Variants in SMOC1 observed in about 807,000 individuals in gnomAD.
SMOC1 encodes the protein SPARC-related modular calcium-binding protein 1.
Under a neutral mutation model 56.3 loss-of-function variants are expected in SMOC1, and 22 were observed. The observed-to-expected ratio is 0.39, with a 90% confidence interval of 0.28 to 0.56. The LOEUF (loss-of-function observed/expected upper bound fraction) is 0.56. Among genes scored for constraint, SMOC1 ranks in the 20% least tolerant of loss-of-function variants. The pLI is 0.61. For synonymous variants in SMOC1, 193 were observed against 215.0 expected (o/e 0.90, Z 0.89); for missense variants, 509 against 565.4 (o/e 0.90, Z 1.01).
At chr14:69,901,521 G>A (rs1884241602) in intron 1 of SMOC1, among the ~76,000 whole-genome samples, 1 of 152,188 alleles carries the variant, frequency 6.6e-6, no homozygotes, top group South Asian at 2.1e-4. Flanking sequence ...TTATGAGTTG[G>A]CCTATAATGG....
chr14:70,012,424 AT>A (rs1379476484), intron 9 of SMOC1, among the ~76,000 whole-genome samples: 3 of 152,396 alleles, frequency 2.0e-5, no homozygotes, highest in East Asian at 1.9e-4. Flanking sequence ...CAGATTGGAT[AT>A]GAATAAATGA....
intron 7 of SMOC1, among the ~76,000 whole-genome samples, chr14:69,996,413 T>C (rs1156385174): frequency 1.3e-5 from 2 of 151,762 alleles, no homozygotes; most frequent in African/African-American, 4.8e-5. Flanking sequence ...AGCTAGGGAG[T>C]GGTTGGGCTG....
chr14:70,016,960 A>G (rs1185101406), intron 10 of SMOC1, among the ~76,000 whole-genome samples: 1 of 152,198 alleles, frequency 6.6e-6, no homozygotes, highest in East Asian at 1.9e-4. Flanking sequence ...TGGCTTGTTG[A>G]TATATTATCT....
chr14:69,928,927 G>C (rs550783850), intron 1 of SMOC1, among the ~76,000 whole-genome samples: 9 of 152,288 alleles, frequency 5.9e-5, no homozygotes. Context: ...TTGATGCTGG[G>C]ATATTGGACA....
chr14:69,931,390 C>T (rs371787014), intron 1 of SMOC1, among the ~76,000 whole-genome samples: 2 of 152,258 alleles, frequency 1.3e-5, no homozygotes, highest in South Asian at 4.1e-4. Context: ...CACTCGCTGT[C>T]GTCCTCTGGA....
At chr14:69,958,500 T>A (rs1328647668) in intron 3 of SMOC1, among the ~76,000 whole-genome samples, 1 of 152,228 alleles carries the variant, frequency 6.6e-6, no homozygotes, top group Non-Finnish European at 1.5e-5. Context: ...TGATGATGAA[T>A]GCTCTTGCTT....
intron 10 of SMOC1, among the ~76,000 whole-genome samples, chr14:70,017,997 A>G (rs974606068): frequency 6.6e-6 from 1 of 152,162 alleles, no homozygotes; most frequent in African/African-American, 2.4e-5. Context: ...TGAACAGGGT[A>G]GGAAGTGTGG....
chr14:69,941,290 TG>T (rs1470238152), intron 1 of SMOC1, among the ~76,000 whole-genome samples: 2 of 152,322 alleles, frequency 1.3e-5, no homozygotes, highest in East Asian at 3.9e-4. Flanking sequence ...AGATTCCACC[TG>T]GCGCATTTGC....
At chr14:69,987,585 G>A (rs575808005) in intron 5 of SMOC1, among the ~76,000 whole-genome samples, 4 of 152,144 alleles carry the variant, frequency 2.6e-5, no homozygotes, top group Non-Finnish European at 5.9e-5. Flanking sequence ...GACCTCTTGG[G>A]CTCTATTCAG....
At chr14:69,988,415 TAC>T (rs1884446160) in intron 5 of SMOC1, among the ~76,000 whole-genome samples, 1 of 152,106 alleles carries the variant, frequency 6.6e-6, no homozygotes, top group African/African-American at 2.4e-5. Context: ...CACATGCATA[TAC>T]AGATTCACAT....
chr14:69,906,562 T>C (rs1884413771), intron 1 of SMOC1, among the ~76,000 whole-genome samples: 1 of 152,254 alleles, frequency 6.6e-6, no homozygotes, highest in Non-Finnish European at 1.5e-5. Context: ...GCTTTCTGAA[T>C]TCCTGACCTG....
intron 7 of SMOC1, among the ~76,000 whole-genome samples, chr14:70,007,622 A>G (rs1885192186): frequency 6.6e-6 from 1 of 152,206 alleles, no homozygotes; most frequent in Non-Finnish European, 1.5e-5. Flanking sequence ...TAGAGGCAAC[A>G]CTGTCTAGAG....
At chr14:69,978,427 C>T (rs1167068416) in intron 5 of SMOC1, among the ~76,000 whole-genome samples, 1 of 152,144 alleles carries the variant, frequency 6.6e-6, no homozygotes, top group Non-Finnish European at 1.5e-5. Flanking sequence ...TTCACTAAGG[C>T]GAGGCTGGCT....
chr14:70,027,712 T>A lies in SMOC1; in HGVS notation c.1292-2530T>A, dbSNP rs149745523. Among the ~76,000 whole-genome samples the A allele has an allele frequency of 4.2e-3, 643 of 152,326 alleles. 5 individuals carry two copies. The highest frequency in any genetic ancestry group is 6.2e-3 in the South Asian group (30 of 4,820). Reference sequence around the variant, plus strand: ...ACTCTCTAAGCCTCCGTTTCCCCATTTGCAAAGTGGAGATTATAGTACCTA... The same window carrying A: ...ACTCTCTAAGCCTCCGTTTCCCCATATGCAAAGTGGAGATTATAGTACCTA... On this transcript the variant is annotated intron_variant, in intron 11 of 11. Coordinates refer to ENST00000361956, the MANE Select transcript of SMOC1 (RefSeq NM_001034852.3).
At chr14:69,938,652 T>C (rs1882417109) in intron 1 of SMOC1, among the ~76,000 whole-genome samples, 1 of 151,970 alleles carries the variant, frequency 6.6e-6, no homozygotes, top group Non-Finnish European at 1.5e-5. Flanking sequence ...ATTTGGCTCA[T>C]TGAAGGAGGG....
chr14:69,934,454 A>C (rs1164990518), intron 1 of SMOC1, among the ~76,000 whole-genome samples: 1 of 152,198 alleles, frequency 6.6e-6, no homozygotes, highest in Non-Finnish European at 1.5e-5. Context: ...GTTAGAGAGC[A>C]GCTCCCCAGG....
At chr14:70,023,717 G>A (rs140443422) in intron 11 of SMOC1, among the ~76,000 whole-genome samples, 86 of 152,288 alleles carry the variant, frequency 5.6e-4, no homozygotes, top group African/African-American at 1.9e-3. Flanking sequence ...CCAGGCTACA[G>A]TCACAAGTAG....
rs146774180 is a variant in SMOC1 at position 69,919,898 on chromosome 14, A to G, written c.100-32240A>G. Among the ~76,000 whole-genome samples, 990 of 147,926 alleles carry G rather than the reference A, an allele frequency of 6.7e-3. 13 individuals carry two copies. The highest frequency in any genetic ancestry group is 0.024 in the African/African-American group (951 of 39,632). ...ACAACCATCTGGACTAAATCATCCT[A>G]TGAACACAAATACCCCCCCCCCCCT... On this transcript the variant is annotated intron_variant, in intron 1 of 11. Transcript: ENST00000361956.
intron 1 of SMOC1, among the ~76,000 whole-genome samples, chr14:69,940,919 A>C (rs777114360): frequency 2.6e-5 from 4 of 152,152 alleles, no homozygotes; most frequent in African/African-American, 9.7e-5. Flanking sequence ...CTGCTTCCCT[A>C]GTATTTAGTG....
Sources: allele counts gnomAD v4.1 joint callset (sites outside exome capture counted in the v4.1 genomes callset), GRCh38; gene constraint gnomAD v4.1.1; transcripts MANE v1.5; gene names NCBI Gene and HGNC (gene_info 2026-07-23, HGNC 2026-07-21).